The following RIMS2 variants were observed in gnomAD, a reference collection of about 807,000 sequenced individuals.
The protein encoded by RIMS2 is regulating synaptic membrane exocytosis 2.
A neutral mutation model predicts 174.4 loss-of-function variants in RIMS2; 59 were observed. The ratio of observed to expected loss-of-function variants is 0.34; its 90% CI spans 0.27 to 0.42. RIMS2 has a LOEUF of 0.42. Among genes scored for constraint, RIMS2 ranks in the 10% least tolerant of loss-of-function variants. The pLI is 1.00. For synonymous variants in RIMS2, 606 were observed against 572.5 expected (o/e 1.06, Z -0.84); for missense variants, 1,620 against 1,666.3 (o/e 0.97, Z 0.48).
intron 1 of RIMS2, among the ~76,000 whole-genome samples, chr8:103,592,965 A>T (rs2094329045): frequency 6.6e-6 from 1 of 151,390 alleles, no homozygotes; most frequent in African/African-American, 2.4e-5. Context: ...AGTTATTTGA[A>T]TTTTGAGCCA....
At chr8:103,896,454 T>G (rs943587073) in intron 4 of RIMS2, among the ~76,000 whole-genome samples, 1 of 151,720 alleles carries the variant, frequency 6.6e-6, no homozygotes, top group African/African-American at 2.4e-5. Flanking sequence ...CTCTAGAAGT[T>G]TTTCTCAATT....
intron 19 of RIMS2, among the ~76,000 whole-genome samples, chr8:104,076,105 T>C (rs554236727): frequency 6.6e-6 from 1 of 152,352 alleles, no homozygotes; most frequent in Non-Finnish European, 1.5e-5. Context: ...GTTATTAAGC[T>C]AGCAAATAAG....
chr8:103,901,980 C>A (rs1232864705), intron 4 of RIMS2, among the ~76,000 whole-genome samples: 1 of 152,190 alleles, frequency 6.6e-6, no homozygotes, highest in Non-Finnish European at 1.5e-5. Flanking sequence ...TTTATTATCT[C>A]ACAGTTTCTG....
chr8:104,223,943 C>T (rs958425515), intron 19 of RIMS2: 51 of 641,850 alleles, frequency 7.9e-5, no homozygotes, highest in Non-Finnish European at 5.2e-6. Context: ...CCCTAGAGCA[C>T]GTCAGCTGAG....
At chr8:103,787,820 C>A (rs1006319191) in intron 3 of RIMS2, among the ~76,000 whole-genome samples, 4 of 152,098 alleles carry the variant, frequency 2.6e-5, no homozygotes, top group African/African-American at 7.2e-5. Context: ...GTTGGCCTGC[C>A]TTGCTAGATC....
chr8:103,885,189 A>G (rs2099192513), intron 3 of RIMS2, 109 bp from the exon 7 acceptor site: 3 of 1,415,856 alleles, frequency 2.1e-6, no homozygotes, highest in Non-Finnish European at 2.8e-6. Flanking sequence ...TGAAATTTTA[A>G]AAAGGCAAAA....
chr8:104,232,006 A>C (rs2099232400), intron 19 of RIMS2, among the ~76,000 whole-genome samples: 1 of 151,600 alleles, frequency 6.6e-6, no homozygotes, highest in South Asian at 2.1e-4. Flanking sequence ...CTAGGAACTT[A>C]CTACCACTCA....
At chr8:103,864,150 C>T (rs1041941516) in intron 3 of RIMS2, among the ~76,000 whole-genome samples, 17 of 151,850 alleles carry the variant, frequency 1.1e-4, no homozygotes, top group African/African-American at 3.9e-4. Context: ...TTACTGATTC[C>T]TTGTATGATG....
intron 2 of RIMS2, among the ~76,000 whole-genome samples, chr8:103,752,949 T>C (rs968120500): frequency 7.9e-5 from 12 of 152,000 alleles, no homozygotes; most frequent in Non-Finnish European, 1.3e-4. Context: ...CTAATTGCCC[T>C]GGCCAGAACT....
At chr8:104,043,641 C>T (rs2096646245) in intron 19 of RIMS2, among the ~76,000 whole-genome samples, 1 of 151,530 alleles carries the variant, frequency 6.6e-6, no homozygotes, top group Non-Finnish European at 1.5e-5. Flanking sequence ...GTAGCGATAT[C>T]TAAGGCAATA....
chr8:104,090,883 T>C (rs2097643110), intron 19 of RIMS2, among the ~76,000 whole-genome samples: 1 of 151,866 alleles, frequency 6.6e-6, no homozygotes, highest in Admixed American at 6.6e-5. Context: ...ATTTATTAAG[T>C]ATTTCTAGCT....
At chr8:103,614,213 C>T (rs570139476) in intron 1 of RIMS2, among the ~76,000 whole-genome samples, 3 of 152,360 alleles carry the variant, frequency 2.0e-5, no homozygotes, top group Non-Finnish European at 2.9e-5. Flanking sequence ...GAGTTCTGAC[C>T]ACTGGGTTGG....
At chr8:103,531,394 T>C (rs1414457129) in intron 1 of RIMS2, among the ~76,000 whole-genome samples, 1 of 152,196 alleles carries the variant, frequency 6.6e-6, no homozygotes, top group African/African-American at 2.4e-5. Context: ...AATCATCTTC[T>C]AAATAATCCA....
exon 21 of RIMS2, chr8:104,248,804 C>A (rs2099348284): frequency 6.4e-7 from 1 of 1,556,252 alleles, no homozygotes; most frequent in Non-Finnish European, 8.9e-7. Flanking sequence ...TCTGGCAACA[C>A]CTGCAATGGG....
chr8:104,042,377 T>A (rs2096624135), intron 19 of RIMS2, among the ~76,000 whole-genome samples: 2 of 151,486 alleles, frequency 1.3e-5, no homozygotes, highest in Admixed American at 6.6e-5. Flanking sequence ...ACAGAATAGG[T>A]CAGATGTTTG....
intron 19 of RIMS2, among the ~76,000 whole-genome samples, chr8:104,023,584 C>T (rs1363498036): frequency 6.6e-6 from 1 of 152,082 alleles, no homozygotes; most frequent in East Asian, 1.9e-4. Flanking sequence ...CAGGGAAATA[C>T]TTGAGAATAA....
At chr8:103,519,774 A>G (rs1830755269) in intron 1 of RIMS2, among the ~76,000 whole-genome samples, 1 of 146,642 alleles carries the variant, frequency 6.8e-6, no homozygotes, top group African/African-American at 2.5e-5. Flanking sequence ...TAAATTTACC[A>G]GAGCCAGAAA....
chr8:104,094,676 AG>A, intron 19 of RIMS2: 1 of 700,124 alleles, frequency 1.4e-6, no homozygotes. Context: ...GGAAAGAAAA[AG>A]AACAGTGGAA....
chr8:103,948,974 AT>A (rs1045456256), intron 14 of RIMS2, among the ~76,000 whole-genome samples: 14 of 151,096 alleles, frequency 9.3e-5, no homozygotes, highest in African/African-American at 2.4e-4. Flanking sequence ...AAAAAAAAAA[AT>A]AATTAGCCGG....
Sources: gnomAD v4.1 joint callset for allele counts (sites outside exome capture counted in the v4.1 genomes callset) on GRCh38, gnomAD v4.1.1 for gene constraint, MANE v1.5 for transcripts, NCBI Gene and HGNC (gene_info 2026-07-23, HGNC 2026-07-21) for gene names.